The following ARHGAP24 variants were observed in gnomAD, a reference collection of about 807,000 sequenced individuals.
ARHGAP24 encodes Rho GTPase activating protein 24.
A neutral mutation model predicts 76.4 loss-of-function variants in ARHGAP24; 50 were observed. The observed-to-expected ratio is 0.65, with a 90% CI of 0.52 to 0.83. The LOEUF is 0.83. Ranked by LOEUF, ARHGAP24 falls within the 40% of genes least tolerant of loss-of-function variation. The pLI is 0.00. For synonymous variants in ARHGAP24, 345 were observed against 323.3 expected, an observed-to-expected ratio of 1.07 and a Z score of -0.72; for missense variants, 930 against 914.2, an observed-to-expected ratio of 1.02 and a Z score of -0.22.
At chr4:85,850,403 G>T (rs1336272254) in intron 3 of ARHGAP24, among the ~76,000 whole-genome samples, 1 of 151,908 alleles carries the variant, frequency 6.6e-6, no homozygotes, top group Non-Finnish European at 1.5e-5. Context: ...AAACCAGTTC[G>T]TGGATTCATT....
chr4:85,550,776 G>C (rs1025156771), intron 1 of ARHGAP24, among the ~76,000 whole-genome samples: 1 of 152,118 alleles, frequency 6.6e-6, no homozygotes, highest in Admixed American at 6.5e-5. Flanking sequence ...TCCCTGGTTA[G>C]ATGTATTCCT....
intron 2 of ARHGAP24, among the ~76,000 whole-genome samples, chr4:85,649,108 C>T (rs72969005): frequency 0.025 from 3,735 of 151,690 alleles, 170 homozygotes; most frequent in African/African-American, 0.086. Context: ...ACTAAGTGTT[C>T]GGCTGATATC....
chr4:85,538,837 C>T (rs1578018148), intron 1 of ARHGAP24, among the ~76,000 whole-genome samples: 1 of 152,104 alleles, frequency 6.6e-6, no homozygotes, highest in Non-Finnish European at 1.5e-5. Context: ...TCATCAATAG[C>T]TTCTGAGCTT....
At chr4:85,934,890 G>A (rs1031955256) in intron 4 of ARHGAP24, among the ~76,000 whole-genome samples, 7 of 152,150 alleles carry the variant, frequency 4.6e-5, no homozygotes, top group African/African-American at 9.7e-5. Flanking sequence ...CTTTATACGC[G>A]TTTGTAGTAT....
intron 5 of ARHGAP24, among the ~76,000 whole-genome samples, chr4:85,961,043 C>A (rs1400187130): frequency 6.6e-6 from 1 of 152,102 alleles, no homozygotes; most frequent in Non-Finnish European, 1.5e-5. Context: ...TCTCTTTCCT[C>A]ACTCTGACCC....
At chr4:85,913,275 G>T (rs974696742) in intron 3 of ARHGAP24, among the ~76,000 whole-genome samples, 1 of 151,362 alleles carries the variant, frequency 6.6e-6, no homozygotes. Flanking sequence ...TGATCTGTTG[G>T]ATTGAAACAG....
At chr4:85,795,931 C>A (rs1298702035) in intron 3 of ARHGAP24, among the ~76,000 whole-genome samples, 1 of 152,130 alleles carries the variant, frequency 6.6e-6, no homozygotes, top group Non-Finnish European at 1.5e-5. Context: ...TGGATAGTCT[C>A]TGGATCAATA....
In ARHGAP24 at chr4:85,569,750, A is replaced by C. The variant is rs539061518; in HGVS notation, c.-20-772A>C. 9.2e-5 allele frequency among the ~76,000 whole-genome samples: 14 copies of C among 152,302 alleles called. No homozygotes were observed. The South Asian group carries it at 2.9e-3, about 32-fold the overall frequency. ...TACGAATCCCTGACCAGCCAAAGAAATTGTTGAGGGAATAGTCTGGGAAAC... is the reference window on the plus strand; with the variant it reads ...TACGAATCCCTGACCAGCCAAAGAACTTGTTGAGGGAATAGTCTGGGAAAC... On this transcript the variant is annotated intron_variant, in intron 1 of 9. Coordinates refer to ENST00000395184, the MANE Select transcript of ARHGAP24 (RefSeq NM_001025616.3).
rs933038074 is a variant in ARHGAP24 at position 85,976,949 on chromosome 4, G to A, written c.807-621G>A. On this transcript the variant is annotated intron_variant, in intron 7 of 9. Transcript: ENST00000395184. ...AGGGGCCCGCCACCGCACCCAGCTCGTTTTTGTATTTTTTTTAGTAGAGAT... is the reference window on the plus strand; with the variant it reads ...AGGGGCCCGCCACCGCACCCAGCTCATTTTTGTATTTTTTTTAGTAGAGAT... Among the ~76,000 whole-genome samples the A allele has an allele frequency of 1.1e-4, 17 of 151,602 alleles. No homozygotes were observed. In the South Asian group the frequency reaches 2.3e-3, roughly 20 times the overall value.
intron 3 of ARHGAP24, among the ~76,000 whole-genome samples, chr4:85,874,973 T>C (rs980657740): frequency 8.5e-6 from 1 of 117,290 alleles, no homozygotes; most frequent in African/African-American, 3.4e-5. Flanking sequence ...ATAAATATAT[T>C]TTTATATAAT....
intron 2 of ARHGAP24, among the ~76,000 whole-genome samples, chr4:85,693,249 C>T (rs549195256): frequency 5.9e-5 from 9 of 152,262 alleles, no homozygotes; most frequent in Admixed American, 5.2e-4. Context: ...ACTCCTGGGC[C>T]TTGGGGGAGC....
chr4:85,921,709 C>A (rs1331902819), intron 3 of ARHGAP24, among the ~76,000 whole-genome samples: 5 of 152,094 alleles, frequency 3.3e-5, no homozygotes, highest in Admixed American at 2.0e-4. Context: ...CCCCTGGGCC[C>A]CACAGTAGGA....
At chr4:85,525,398 C>T (rs558757408) in intron 1 of ARHGAP24, among the ~76,000 whole-genome samples, 1 of 151,206 alleles carries the variant, frequency 6.6e-6, no homozygotes, top group Non-Finnish European at 1.5e-5. Context: ...TTTAAGCTCT[C>T]CACTAGGACT....
rs1264727546 is a variant in ARHGAP24, at chr4:85,475,414, T to G, written c.-166T>G. The G allele has an allele frequency of 1.3e-5, 2 of 152,776 alleles. No individual in the cohort carries two copies. Among genetic ancestry groups the G allele is most frequent in the Non-Finnish European group, 2.9e-5 (2 of 68,080 alleles). 9.5% of individuals were successfully genotyped at this position (152,776 alleles called of 1,614,324 possible). A position where few individuals can be genotyped will look rare whatever the true frequency, so the allele number is the denominator to read the frequency against. On this transcript the variant is annotated 5_prime_UTR_variant, in exon 1 of 10. Coordinates refer to ENST00000395184, the MANE Select transcript of ARHGAP24 (RefSeq NM_001025616.3). ...CCGCGCTGCGGAGCAGCCCAGTGCA[T>G]AGAGTTCAACACTTCCCCTTGTTGT...
intron 1 of ARHGAP24, among the ~76,000 whole-genome samples, chr4:85,518,515 G>A (rs370749594): frequency 4.2e-4 from 64 of 151,834 alleles, no homozygotes; most frequent in African/African-American, 9.2e-4. Context: ...TGCCCCACCC[G>A]CCTCCCATTC....
rs1209144111 is a variant in ARHGAP24 at position 85,917,587 on chromosome 4, TTTTTAATGA to T, written c.269-6058_269-6050del. ...TCTCCAACATCTGTTGTTTCCTGAC[TTTTTAATGA>T]TTGCCATTCTAACTGGTGTGAGATG... is the stretch of plus-strand genomic sequence containing the variant. On this transcript the variant is annotated intron_variant, in intron 3 of 9. Coordinates refer to ENST00000395184, the MANE Select transcript of ARHGAP24 (RefSeq NM_001025616.3). 4.6e-5 allele frequency among the ~76,000 whole-genome samples: 7 copies of T among 152,322 alleles called. No individual in the cohort carries two copies. The East Asian group carries it at 1.4e-3, about 29-fold the overall frequency.
intron 4 of ARHGAP24, among the ~76,000 whole-genome samples, chr4:85,925,187 C>T (rs766001340): frequency 5.9e-5 from 9 of 152,176 alleles, no homozygotes; most frequent in Non-Finnish European, 1.2e-4. Context: ...TAAATATAAA[C>T]GATTCACAAG....
chr4:85,805,581 A>G (rs919412636), intron 3 of ARHGAP24, among the ~76,000 whole-genome samples: 17 of 152,224 alleles, frequency 1.1e-4, no homozygotes, highest in Non-Finnish European at 5.9e-5. Flanking sequence ...ATGTGTCTTG[A>G]TCACAAATGA....
intron 3 of ARHGAP24, among the ~76,000 whole-genome samples, chr4:85,731,812 A>T (rs1725421859): frequency 6.6e-6 from 1 of 152,178 alleles, no homozygotes; most frequent in South Asian, 2.1e-4. Context: ...TATCCTGATT[A>T]CTCACTATAC....
Sources: gnomAD v4.1 joint callset for allele counts (sites outside exome capture counted in the v4.1 genomes callset) on GRCh38, gnomAD v4.1.1 for gene constraint, MANE v1.5 for transcripts, NCBI Gene and HGNC (gene_info 2026-07-23, HGNC 2026-07-21) for gene names.